The following IPO11 variants were observed in gnomAD, a reference collection of about 807,000 sequenced individuals.
IPO11 encodes importin-11.
A neutral mutation model predicts 143.2 loss-of-function variants in IPO11; 66 were observed. The ratio of observed to expected loss-of-function variants is 0.46; its 90% confidence interval spans 0.38 to 0.57. The LOEUF (loss-of-function observed/expected upper bound fraction) is 0.57. IPO11 is among the 20% of genes least tolerant of loss of function. The pLI is 0.00. For synonymous variants in IPO11, 385 were observed against 377.8 expected (o/e 1.02, Z -0.22); for missense variants, 1,026 against 1,141.0 (o/e 0.90, Z 1.45).
chr5:62,549,447 T>G (rs1049063720), intron 24 of IPO11, among the ~76,000 whole-genome samples: 1 of 152,136 alleles, frequency 6.6e-6, no homozygotes, highest in African/African-American at 2.4e-5. Context: ...ATGCTAAATC[T>G]CCCTCCATGC....
chr5:62,615,192 G>A (rs1026466247), intron 29 of IPO11, among the ~76,000 whole-genome samples: 1 of 152,162 alleles, frequency 6.6e-6, no homozygotes, highest in African/African-American at 2.4e-5. Context: ...GAGTTTCCAG[G>A]CTTGAGGGTG....
chr5:62,470,140 C>A, intron 6 of IPO11, 110 bp from the exon 7 acceptor site: 1 of 1,011,876 alleles, frequency 9.9e-7, no homozygotes, highest in Non-Finnish European at 1.5e-6. Context: ...ACTTTCCAAC[C>A]CAGATTAACC....
intron 3 of IPO11, among the ~76,000 whole-genome samples, chr5:62,447,121 A>T (rs1349958161): frequency 6.6e-6 from 1 of 150,734 alleles, no homozygotes; most frequent in East Asian, 1.9e-4. Flanking sequence ...ATTTTTTTTT[A>T]AGAAGACAGG....
At chr5:62,435,052 A>ATATATATATG (rs1314892001) in intron 1 of IPO11, among the ~76,000 whole-genome samples, 34,724 of 122,406 alleles carry the variant, frequency 0.28, 7,276 homozygotes, top group Middle Eastern at 0.36. Context: ...GTATATGTGT[A>ATATATATATG]TATATATATG....
intron 24 of IPO11, among the ~76,000 whole-genome samples, chr5:62,541,715 T>A (rs565238535): frequency 3.9e-5 from 6 of 152,130 alleles, no homozygotes; most frequent in Non-Finnish European, 7.4e-5. Flanking sequence ...TGTATTTTAT[T>A]TTATTTTTTT....
At chr5:62,457,022 G>A (rs1318795145) in intron 5 of IPO11, among the ~76,000 whole-genome samples, 1 of 152,184 alleles carries the variant, frequency 6.6e-6, no homozygotes, top group Non-Finnish European at 1.5e-5. Context: ...GGAGGTTGCA[G>A]TGAGCCGAGA....
intron 27 of IPO11, among the ~76,000 whole-genome samples, chr5:62,565,420 A>T (rs1743900247): frequency 6.6e-6 from 1 of 152,178 alleles, no homozygotes; most frequent in African/African-American, 2.4e-5. Flanking sequence ...CGGGAGGCAG[A>T]GGTTGCAGTT....
At chr5:62,444,187 A>G (rs533826112) in intron 3 of IPO11, among the ~76,000 whole-genome samples, 1 of 148,284 alleles carries the variant, frequency 6.7e-6, no homozygotes, top group South Asian at 2.1e-4. Context: ...GCTCTGCCTC[A>G]CGGGTTCAGG....
At chr5:62,569,769 G>T (rs1195126745) in intron 27 of IPO11, among the ~76,000 whole-genome samples, 1 of 152,176 alleles carries the variant, frequency 6.6e-6, no homozygotes, top group Non-Finnish European at 1.5e-5. Context: ...GACTTCAGAT[G>T]TTGAAATTCT....
At chr5:62,449,116 C>G (rs1177793048) in intron 3 of IPO11, among the ~76,000 whole-genome samples, 1 of 152,164 alleles carries the variant, frequency 6.6e-6, no homozygotes, top group African/African-American at 2.4e-5. Flanking sequence ...TCACTGCAGC[C>G]TTGACCTCTT....
intron 3 of IPO11, among the ~76,000 whole-genome samples, chr5:62,445,532 T>C (rs1370185922): frequency 6.6e-6 from 1 of 152,144 alleles, no homozygotes; most frequent in Non-Finnish European, 1.5e-5. Flanking sequence ...AAACAATATA[T>C]ATGTATTCAG....
chr5:62,572,741 C>T (rs1377194925), intron 27 of IPO11, among the ~76,000 whole-genome samples: 2 of 151,746 alleles, frequency 1.3e-5, no homozygotes, highest in African/African-American at 4.8e-5. Context: ...GCTACCACAC[C>T]CGGCTAGTTT....
At chr5:62,464,695 G>C (rs1745507386) in intron 5 of IPO11, among the ~76,000 whole-genome samples, 1 of 151,894 alleles carries the variant, frequency 6.6e-6, no homozygotes, top group Non-Finnish European at 1.5e-5. Flanking sequence ...GCACAGGCTG[G>C]TCTCCTGACC....
intron 27 of IPO11, chr5:62,562,004 A>G (rs1274997927): frequency 6.6e-6 from 1 of 152,218 alleles, no homozygotes; most frequent in Non-Finnish European, 1.5e-5. Context: ...CTTTTGGTTT[A>G]GTCAGCTTGA....
intron 5 of IPO11, among the ~76,000 whole-genome samples, chr5:62,453,308 C>T (rs1745010347): frequency 6.6e-6 from 1 of 151,082 alleles, no homozygotes; most frequent in South Asian, 2.1e-4. Context: ...CTCCTTCTGA[C>T]TTTTGCTCTG....
At chr5:62,625,866 T>C (rs1580405700) in intron 29 of IPO11, among the ~76,000 whole-genome samples, 1 of 152,140 alleles carries the variant, frequency 6.6e-6, no homozygotes, top group South Asian at 2.1e-4. Flanking sequence ...CACAGAGGGG[T>C]ATACTTTTCT....
chr5:62,613,069 TTGTTG>T (rs1321891560), intron 29 of IPO11, among the ~76,000 whole-genome samples: 1 of 152,190 alleles, frequency 6.6e-6, no homozygotes, highest in African/African-American at 2.4e-5. Context: ...AAGCAGTGTT[TTGTTG>T]TTTAATGTAC....
chr5:62,487,712 A>T, intron 12 of IPO11, 59 bp from the exon 13 acceptor site: 1 of 1,350,896 alleles, frequency 7.4e-7, no homozygotes, highest in East Asian at 2.7e-5. Flanking sequence ...TTTATTAAAG[A>T]ATTAGTCAAT....
At chr5:62,564,766 A>G (rs1452281252) in intron 27 of IPO11, among the ~76,000 whole-genome samples, 1 of 152,146 alleles carries the variant, frequency 6.6e-6, no homozygotes, top group Non-Finnish European at 1.5e-5. Flanking sequence ...GTTTAGAACC[A>G]TGACTCTAAA....
Sources: allele counts gnomAD v4.1 joint callset (sites outside exome capture counted in the v4.1 genomes callset), GRCh38; gene constraint gnomAD v4.1.1; transcripts MANE v1.5; gene names NCBI Gene and HGNC (gene_info 2026-07-23, HGNC 2026-07-21).